The following ARL9 variants were observed in gnomAD, a reference collection of about 807,000 sequenced individuals.
ARL9 encodes ADP-ribosylation factor-like protein 9.
ARL9 carries 14 observed loss-of-function variants against 27.0 expected under a neutral mutation model. The ratio of observed to expected loss-of-function variants is 0.52; its 90% CI spans 0.34 to 0.81. The LOEUF (loss-of-function observed/expected upper bound fraction) is 0.81. Among genes scored for constraint, ARL9 ranks in the 30% least tolerant of loss-of-function variants. The pLI is 0.01. For missense variants in ARL9, 294 were observed against 290.0 expected (o/e 1.01, Z -0.10); for synonymous variants, 106 against 108.7 (o/e 0.98, Z 0.15).
At chr4:56,523,397 C>A (rs1721982856) in intron 3 of ARL9, among the ~76,000 whole-genome samples, 1 of 152,086 alleles carries the variant, frequency 6.6e-6, no homozygotes, top group Non-Finnish European at 1.5e-5. Context: ...TTTAAACAAA[C>A]AACAAACAAA....
chr4:56,505,225 A>G (rs17086919), upstream of ARL9: 3 of 329,898 alleles, frequency 9.1e-6, no homozygotes, highest in African/African-American at 6.6e-5. Flanking sequence ...GTCTTTAATA[A>G]TCCTGGGTAA....
At position 56,511,180 on chromosome 4, in the gene ARL9, C is replaced by G; in HGVS notation, c.280-5C>G. On this transcript the variant is annotated splice_region_variant and splice_polypyrimidine_tract_variant and intron_variant, in intron 1 of 3. Coordinates refer to ENST00000640821, the MANE Select transcript of ARL9 (RefSeq NM_001363794.2). ...GGCTTATTGATTTATCTTTTTGTTTCACAGGAGAAAAACAAGCAAATCCTA... is the reference window on the plus strand; with the variant it reads ...GGCTTATTGATTTATCTTTTTGTTTGACAGGAGAAAAACAAGCAAATCCTA... The G allele has an allele frequency of 6.4e-7, 1 of 1,558,082 alleles. No homozygotes were observed. Among genetic ancestry groups the G allele is most frequent in the East Asian group, 2.3e-5 (1 of 42,950 alleles).
chr4:56,519,375 G>A (rs1035692342), intron 3 of ARL9, among the ~76,000 whole-genome samples: 58 of 152,138 alleles, frequency 3.8e-4, no homozygotes, highest in African/African-American at 1.4e-3. Flanking sequence ...ACTTTGGGAG[G>A]GCAGGGGTGG....
At chr4:56,510,340 G>A (rs961137540) in intron 1 of ARL9, among the ~76,000 whole-genome samples, 2 of 138,148 alleles carry the variant, frequency 1.4e-5, no homozygotes, top group South Asian at 4.6e-4. Context: ...GGGTGACAGA[G>A]CAAGACTCCA....
At chr4:56,509,201 C>CTTTTCTTT (rs1553949438) in intron 1 of ARL9, among the ~76,000 whole-genome samples, 35 of 133,320 alleles carry the variant, frequency 2.6e-4, no homozygotes, top group East Asian at 5.0e-4. Flanking sequence ...TTTTCTTTTT[C>CTTTTCTTT]TTTTTTTTGT....
intron 1 of ARL9, among the ~76,000 whole-genome samples, chr4:56,507,118 C>G (rs1721489327): frequency 6.6e-6 from 1 of 151,776 alleles, no homozygotes; most frequent in Admixed American, 6.6e-5. Context: ...TCTGGTAAAA[C>G]ACAGACTACA....
chr4:56,516,711 AC>A (rs1721777385), intron 2 of ARL9, among the ~76,000 whole-genome samples: 1 of 152,114 alleles, frequency 6.6e-6, no homozygotes. Context: ...TGGGTGGATC[AC>A]TGGAGTTCAA....
Position 56,523,739 on chromosome 4 carries a change from T to C in ARL9, c.661T>C (p.Leu221=), listed in dbSNP as rs1046537853. The C allele has an allele frequency of 1.2e-6, 2 of 1,613,988 alleles. No individual in the cohort carries two copies. Among genetic ancestry groups the C allele is most frequent in the Non-Finnish European group, 1.7e-6 (2 of 1,179,868 alleles). ...TCACATTACAGATATCCATGAAGCT[T>C]TGGCATTATCTGAAGTGGGAAATGA... ...AYHITDIHEA[L]ALSEVGNDRK... is the part of the protein sequence containing the mutation. Residue 221 remains leucine, a synonymous_variant, in exon 4 of 4, where the codon TTG becomes CTG. Transcript: ENST00000640821.
At chr4:56,522,749 C>T (rs1241023998) in intron 3 of ARL9, among the ~76,000 whole-genome samples, 2 of 152,188 alleles carry the variant, frequency 1.3e-5, no homozygotes, top group Non-Finnish European at 2.9e-5. Context: ...GCACAGGCTT[C>T]CTGTCTTCCC....
In ARL9 at chr4:56,523,834, T is replaced by A; in HGVS notation, c.756T>A (p.Asp252Glu). The change falls in exon 4 of 4, where the codon GAT becomes GAA. Residue 252 changes from aspartate (D) to glutamate (E), a missense_variant. Coordinates refer to ENST00000640821, the MANE Select transcript of ARL9 (RefSeq NM_001363794.2). Reference protein sequence around the residue: ...NGSEIPSTMQDAKDLIAQLAA... With the variant: ...NGSEIPSTMQEAKDLIAQLAA... The stretch of plus-strand genomic sequence containing the variant: ...CAGAGATACCCTCCACCATGCAAGA[T>A]GCCAAAGACTTGATTGCACAGCTGG... 1 of 1,614,016 alleles carries A rather than the reference T, an allele frequency of 6.2e-7. No individual in the cohort carries two copies. Among genetic ancestry groups the A allele is most frequent in the South Asian group, 1.1e-5 (1 of 91,082 alleles).
upstream of ARL9, chr4:56,505,671 G>A (rs1721433004): frequency 5.3e-6 from 5 of 937,804 alleles, no homozygotes; most frequent in African/African-American, 1.7e-5. Flanking sequence ...CGAATCGGCT[G>A]CAAGAAGCCC....
chr4:56,521,166 G>A (rs1013234219), intron 3 of ARL9, among the ~76,000 whole-genome samples: 17 of 150,730 alleles, frequency 1.1e-4, no homozygotes, highest in East Asian at 3.9e-4. Flanking sequence ...AGCCGAGGTC[G>A]TGCCACTGCA....
At chr4:56,511,142 C>T (rs1578209202) in intron 1 of ARL9, 43 bp from the exon 2 acceptor site, 2 of 1,472,700 alleles carry the variant, frequency 1.4e-6, no homozygotes, top group Non-Finnish European at 9.0e-7. Flanking sequence ...AAAAATGAGC[C>T]CCTGATAGCA....
upstream of ARL9, chr4:56,505,404 C>A (rs969952799): frequency 2.2e-6 from 1 of 457,748 alleles, no homozygotes; most frequent in South Asian, 1.5e-5. Flanking sequence ...AGGGGTTCTT[C>A]ACACAGGCTG....
At chr4:56,516,584 CAAA>C (rs10718013) in intron 2 of ARL9, among the ~76,000 whole-genome samples, 47 of 120,852 alleles carry the variant, frequency 3.9e-4, no homozygotes, top group East Asian at 3.5e-3. Flanking sequence ...TCAAATTAGG[CAAA>C]AAAAAAAAAA....
chr4:56,523,925 TG>T lies in ARL9; in HGVS notation c.*50del. ...CTCACGACTGAGATGTCATCAGTGT[TG>T]AATGGCAGGCTTGAAGCCAAAGGTT... is the stretch of plus-strand genomic sequence containing the variant. On this transcript the variant is annotated 3_prime_UTR_variant, in exon 4 of 4. Transcript: ENST00000640821. 6.6e-7 allele frequency: 1 copy of T among 1,526,116 alleles called. No individual in the cohort carries two copies. Among genetic ancestry groups the T allele is most frequent in the Non-Finnish European group, 8.8e-7 (1 of 1,133,592 alleles). The allele number at this position is 1,526,116 out of a possible 1,614,324, so 94.5% of individuals were successfully genotyped here. A position where few individuals can be genotyped will look rare whatever the true frequency, so the allele number is the denominator to read the frequency against.
chr4:56,511,379 C>A, intron 2 of ARL9, 32 bp downstream of exon 2: 1 of 1,580,596 alleles, frequency 6.3e-7, no homozygotes, highest in Non-Finnish European at 8.6e-7. Flanking sequence ...TATAAGATAG[C>A]CACATTTTAT....
chr4:56,521,209 C>G (rs111915800), intron 3 of ARL9, among the ~76,000 whole-genome samples: 6,951 of 144,360 alleles, frequency 0.048, 272 homozygotes, highest in East Asian at 0.19. Flanking sequence ...ACACTCCGCC[C>G]CAAAAAACAA....
At position 56,507,709 on chromosome 4, in the gene ARL9, C is replaced by T. The variant is rs375446569; in HGVS notation, c.279+1568C>T. Reference sequence around the variant, plus strand: ...AGAAAAAAAAGCCGGCGCAGTGGCTCACACCTGTAATCCCGGCACTTTGGG... The same window carrying T: ...AGAAAAAAAAGCCGGCGCAGTGGCTTACACCTGTAATCCCGGCACTTTGGG... On this transcript the variant is annotated intron_variant, in intron 1 of 3. Coordinates refer to ENST00000640821, the MANE Select transcript of ARL9 (RefSeq NM_001363794.2). 5.9e-5 allele frequency among the ~76,000 whole-genome samples: 9 copies of T among 151,810 alleles called. No homozygotes were observed. In the South Asian group the frequency reaches 1.3e-3, roughly 21 times the overall value.
Sources: gnomAD v4.1 joint callset for allele counts (sites outside exome capture counted in the v4.1 genomes callset) on GRCh38, gnomAD v4.1.1 for gene constraint, MANE v1.5 for transcripts, NCBI Gene and HGNC (gene_info 2026-07-23, HGNC 2026-07-21) for gene names.